The following USP32 variants were observed in gnomAD, a reference collection of about 807,000 sequenced individuals.
USP32 encodes the protein ubiquitin carboxyl-terminal hydrolase 32.
In USP32, 59 loss-of-function variants were observed where a neutral mutation model predicts 204.8. The ratio of observed to expected loss-of-function variants is 0.29; its 90% CI spans 0.23 to 0.36. The LOEUF (loss-of-function observed/expected upper bound fraction) is 0.36. USP32 is among the 10% of genes least tolerant of loss of function. The probability of loss-of-function intolerance (pLI) is 1.00; values close to 1 mark genes in which losing one functional copy is unlikely to be tolerated. For synonymous variants in USP32, 517 were observed against 678.4 expected (o/e 0.76, Z 3.70); for missense variants, 1,160 against 1,946.4 (o/e 0.60, Z 7.60).
intron 4 of USP32, among the ~76,000 whole-genome samples, chr17:60,291,949 C>T (rs1310011460): frequency 6.6e-6 from 1 of 151,574 alleles, no homozygotes. Context: ...TTCCTATCAC[C>T]ATTTCCTCTT....
intron 11 of USP32, among the ~76,000 whole-genome samples, chr17:60,248,194 A>T (rs1330208851): frequency 6.6e-6 from 1 of 152,182 alleles, no homozygotes; most frequent in Non-Finnish European, 1.5e-5. Flanking sequence ...TCACTTTCTC[A>T]TATCACTGCA....
chr17:60,345,420 G>A, intron 2 of USP32, 61 bp downstream of exon 2: 1 of 1,589,664 alleles, frequency 6.3e-7, no homozygotes, highest in Non-Finnish European at 8.5e-7. Flanking sequence ...GGCCCCTCAG[G>A]AATTTAGGCT....
intron 11 of USP32, among the ~76,000 whole-genome samples, chr17:60,240,642 C>T (rs772632812): frequency 9.9e-5 from 15 of 152,226 alleles, no homozygotes; most frequent in South Asian, 2.1e-4. Context: ...AGAAGCTCAG[C>T]CAGAGGTGAA....
At chr17:60,257,274 T>A (rs373035470) in intron 9 of USP32, among the ~76,000 whole-genome samples, 10 of 152,230 alleles carry the variant, frequency 6.6e-5, no homozygotes, top group African/African-American at 1.7e-4. Flanking sequence ...AAGGAGAGGA[T>A]TGGAAAGTCC....
intron 20 of USP32, 123 bp downstream of exon 20, chr17:60,211,253 A>C: frequency 6.6e-7 from 1 of 1,507,808 alleles, no homozygotes; most frequent in Non-Finnish European, 8.9e-7. Context: ...GGCCTATTTC[A>C]TATTAAATAG....
At chr17:60,368,778 T>C (rs1259820552) in intron 1 of USP32, among the ~76,000 whole-genome samples, 1 of 152,104 alleles carries the variant, frequency 6.6e-6, no homozygotes, top group Non-Finnish European at 1.5e-5. Context: ...AATGGCAACA[T>C]TATTAAGTTT....
intron 21 of USP32, 40 bp downstream of exon 21, chr17:60,210,973 T>C (rs867096291): frequency 1.9e-6 from 3 of 1,550,878 alleles, no homozygotes; most frequent in African/African-American, 1.4e-5. Context: ...TAAACAACTA[T>C]TAGGAATTAA....
intron 10 of USP32, among the ~76,000 whole-genome samples, chr17:60,253,265 A>G (rs555919911): frequency 3.3e-5 from 5 of 152,322 alleles, no homozygotes; most frequent in Non-Finnish European, 5.9e-5. Flanking sequence ...TATGAGATAA[A>G]GAGTACACTG....
chr17:60,280,522 T>C (rs2086944030), intron 5 of USP32, among the ~76,000 whole-genome samples: 1 of 152,242 alleles, frequency 6.6e-6, no homozygotes, highest in South Asian at 2.1e-4. Flanking sequence ...TTACTGTGAC[T>C]TCAAATTTTA....
chr17:60,329,167 T>G (rs1312316826), intron 2 of USP32, among the ~76,000 whole-genome samples: 1 of 152,152 alleles, frequency 6.6e-6, no homozygotes, highest in African/African-American at 2.4e-5. Context: ...GGAAACTGTT[T>G]ATTCGTAAAA....
chr17:60,202,999 G>C (rs984774381), intron 26 of USP32, among the ~76,000 whole-genome samples: 1 of 150,148 alleles, frequency 6.7e-6, no homozygotes, highest in Admixed American at 6.6e-5. Flanking sequence ...AGAATGCCTG[G>C]AGCCACCAGA....
At chr17:60,283,245 G>T (rs529220783) in intron 5 of USP32, among the ~76,000 whole-genome samples, 14 of 152,122 alleles carry the variant, frequency 9.2e-5, no homozygotes, top group South Asian at 2.1e-4. Context: ...TGTGGTCACG[G>T]TATATTGACC....
intron 1 of USP32, among the ~76,000 whole-genome samples, chr17:60,410,381 T>C (rs373433760): frequency 7.9e-5 from 12 of 152,108 alleles, no homozygotes; most frequent in South Asian, 4.1e-4. Flanking sequence ...TTAAAAACCC[T>C]AGCCTCGGTG....
intron 1 of USP32, among the ~76,000 whole-genome samples, chr17:60,413,373 C>A (rs927134490): frequency 1.3e-5 from 2 of 152,132 alleles, no homozygotes; most frequent in South Asian, 4.1e-4. Flanking sequence ...TACTTAAGAC[C>A]TGACCTCCCA....
chr17:60,279,134 T>C (rs996599203), intron 5 of USP32, among the ~76,000 whole-genome samples: 3 of 152,188 alleles, frequency 2.0e-5, no homozygotes, highest in Admixed American at 2.0e-4. Context: ...ATCGAGATGC[T>C]CAGCATCATC....
chr17:60,215,961 A>G (rs1172385222), intron 16 of USP32, among the ~76,000 whole-genome samples: 1 of 152,150 alleles, frequency 6.6e-6, no homozygotes, highest in African/African-American at 2.4e-5. Flanking sequence ...TGGCCCCCCA[A>G]AGTTCTGGGA....
chr17:60,398,016 T>C (rs923578173), intron 1 of USP32, among the ~76,000 whole-genome samples: 1 of 150,708 alleles, frequency 6.6e-6, no homozygotes, highest in Non-Finnish European at 1.5e-5. Flanking sequence ...TCTTTAAAAG[T>C]CCCAATATTT....
At chr17:60,375,799 G>A (rs1303572685) in intron 1 of USP32, among the ~76,000 whole-genome samples, 1 of 152,082 alleles carries the variant, frequency 6.6e-6, no homozygotes, top group Non-Finnish European at 1.5e-5. Flanking sequence ...GTAGAGACGA[G>A]GTTTCACCAT....
At chr17:60,355,700 G>C (rs1454808449) in intron 1 of USP32, among the ~76,000 whole-genome samples, 2 of 151,582 alleles carry the variant, frequency 1.3e-5, no homozygotes, top group Non-Finnish European at 2.9e-5. Flanking sequence ...ACAAAAATTG[G>C]TGGCACACGC....
Sources: allele counts gnomAD v4.1 joint callset (sites outside exome capture counted in the v4.1 genomes callset), GRCh38; gene constraint gnomAD v4.1.1; transcripts MANE v1.5; gene names NCBI Gene and HGNC (gene_info 2026-07-23, HGNC 2026-07-21).